The following DNAH8 variants were observed in gnomAD, a reference collection of about 807,000 sequenced individuals.
DNAH8 encodes the protein axonemal beta dynein heavy chain 8.
Under a neutral mutation model 562.1 loss-of-function variants are expected in DNAH8, and 382 were observed. The observed-to-expected ratio is 0.68, with a 90% CI of 0.63 to 0.74. The LOEUF (loss-of-function observed/expected upper bound fraction) is 0.74, where lower values mean the gene tolerates loss of function less well. Ranked by LOEUF, DNAH8 falls within the 30% of genes least tolerant of loss-of-function variation. DNAH8 has a pLI of 0.00. For missense variants in DNAH8, 5,203 were observed against 5,620.4 expected (o/e 0.93, Z 2.37); for synonymous variants, 1,881 against 1,919.4 (o/e 0.98, Z 0.52).
At chr6:38,786,620 G>T in intron 17 of DNAH8, 145 bp from the exon 18 acceptor site, 1 of 703,834 alleles carries the variant, frequency 1.4e-6, no homozygotes, top group Non-Finnish European at 2.3e-6. Flanking sequence ...TGTGCCAGAC[G>T]CTGTGCCTTA....
chr6:38,899,970 A>G (rs1405755962), intron 62 of DNAH8, 64 bp downstream of exon 62: 12 of 1,328,662 alleles, frequency 9.0e-6, no homozygotes, highest in African/African-American at 7.5e-5. Context: ...AAATGTTTAG[A>G]AAAAAAGGAA....
At chr6:38,907,727 G>A (rs1468231560) in intron 63 of DNAH8, among the ~76,000 whole-genome samples, 4 of 152,342 alleles carry the variant, frequency 2.6e-5, no homozygotes, top group African/African-American at 9.6e-5. Flanking sequence ...TAGCTTTTTG[G>A]TGATAGCTAT....
chr6:38,781,146 G>C (rs1039773630), intron 15 of DNAH8, 108 bp from the exon 16 acceptor site: 2 of 1,211,782 alleles, frequency 1.7e-6, no homozygotes, highest in Admixed American at 4.0e-5. Context: ...ACTACCTACT[G>C]TATATAAAAC....
At chr6:39,026,369 G>A (rs569439395) in intron 91 of DNAH8, among the ~76,000 whole-genome samples, 177 bp from the exon 92 acceptor site, 1 of 152,176 alleles carries the variant, frequency 6.6e-6, no homozygotes, top group Non-Finnish European at 1.5e-5. Flanking sequence ...CTCATTGCAG[G>A]TCCCCACAGA....
chr6:38,869,232 C>T (rs1167649557), intron 48 of DNAH8, among the ~76,000 whole-genome samples: 8 of 152,176 alleles, frequency 5.3e-5, no homozygotes, highest in Non-Finnish European at 1.0e-4. Flanking sequence ...TGTCACTTCA[C>T]TTATTGGGGA....
At chr6:38,985,372 C>T (rs1764310953) in intron 87 of DNAH8, among the ~76,000 whole-genome samples, 1 of 152,190 alleles carries the variant, frequency 6.6e-6, no homozygotes, top group Admixed American at 6.5e-5. Context: ...CGGTAATTCT[C>T]TACTTAAATG....
intron 31 of DNAH8, among the ~76,000 whole-genome samples, chr6:38,832,690 T>C (rs554286731): frequency 6.6e-6 from 1 of 152,222 alleles, no homozygotes; most frequent in Non-Finnish European, 1.5e-5. Flanking sequence ...GATAGCTGAT[T>C]AGCTTTTAAA....
intron 21 of DNAH8, among the ~76,000 whole-genome samples, chr6:38,792,928 AC>A (rs1231664439): frequency 6.6e-6 from 1 of 151,946 alleles, no homozygotes; most frequent in Non-Finnish European, 1.5e-5. Flanking sequence ...ACAGGTGCAT[AC>A]CACCACAACT....
chr6:38,840,558 T>C (rs945663246), intron 33 of DNAH8, among the ~76,000 whole-genome samples: 18 of 152,356 alleles, frequency 1.2e-4, no homozygotes, highest in Non-Finnish European at 1.9e-4. Flanking sequence ...TGTTTACTTA[T>C]AAATTACTGG....
chr6:39,012,942 C>A (rs1169220212), intron 91 of DNAH8, among the ~76,000 whole-genome samples: 1 of 152,180 alleles, frequency 6.6e-6, no homozygotes, highest in Non-Finnish European at 1.5e-5. Flanking sequence ...AAGTTTCTCT[C>A]TAACTTATAG....
chr6:38,969,885 C>A (rs1048563609), intron 82 of DNAH8, among the ~76,000 whole-genome samples: 1 of 151,942 alleles, frequency 6.6e-6, no homozygotes, highest in African/African-American at 2.4e-5. Flanking sequence ...CTTGAGAGAC[C>A]CCTCTGGCTG....
At chr6:38,803,365 T>C (rs1770958277) in intron 22 of DNAH8, 54 bp downstream of exon 22, 2 of 1,417,792 alleles carry the variant, frequency 1.4e-6, no homozygotes, top group Non-Finnish European at 1.9e-6. Context: ...TTCGTTCTTA[T>C]GTAAGCACCT....
At chr6:38,751,872 G>A (rs1480273757) in intron 9 of DNAH8, among the ~76,000 whole-genome samples, 1 of 152,172 alleles carries the variant, frequency 6.6e-6, no homozygotes, top group Non-Finnish European at 1.5e-5. Flanking sequence ...TTTGTAGGCA[G>A]GAGGGCTGCC....
chr6:38,934,909 A>T (rs1046352875), intron 76 of DNAH8, among the ~76,000 whole-genome samples: 3 of 152,246 alleles, frequency 2.0e-5, no homozygotes, highest in African/African-American at 4.8e-5. Flanking sequence ...TGATTTGGTG[A>T]ATCTAAGTGA....
intron 28 of DNAH8, among the ~76,000 whole-genome samples, chr6:38,824,613 A>G (rs1228563811): frequency 3.9e-5 from 6 of 152,026 alleles, no homozygotes; most frequent in African/African-American, 1.4e-4. Context: ...CCTTAAGTAG[A>G]TTTTCAGGTC....
chr6:38,952,205 G>A (rs1178041561), intron 82 of DNAH8, among the ~76,000 whole-genome samples: 1 of 152,178 alleles, frequency 6.6e-6, no homozygotes, highest in Non-Finnish European at 1.5e-5. Flanking sequence ...GGGGTGGTGG[G>A]AGATAGAAAG....
intron 9 of DNAH8, among the ~76,000 whole-genome samples, chr6:38,753,336 T>C (rs1336273706): frequency 6.6e-6 from 1 of 152,230 alleles, no homozygotes; most frequent in Non-Finnish European, 1.5e-5. Flanking sequence ...AACTTTACAA[T>C]GTGAGCAATT....
At chr6:38,822,577 C>T (rs138891578) in intron 26 of DNAH8, among the ~76,000 whole-genome samples, 64 of 152,258 alleles carry the variant, frequency 4.2e-4, no homozygotes, top group African/African-American at 1.4e-3. Flanking sequence ...GTGTTTTAAT[C>T]AGTGTCTTTC....
At chr6:38,992,646 G>A (rs1412266) in intron 88 of DNAH8, among the ~76,000 whole-genome samples, 61,708 of 151,810 alleles carry the variant, frequency 0.41, 12,905 homozygotes, top group East Asian at 0.59. Flanking sequence ...ATAATCCACA[G>A]GATCCCAACA....
Sources: gnomAD v4.1 joint callset for allele counts (sites outside exome capture counted in the v4.1 genomes callset) on GRCh38, gnomAD v4.1.1 for gene constraint, MANE v1.5 for transcripts, NCBI Gene and HGNC (gene_info 2026-07-23, HGNC 2026-07-21) for gene names.